SPEF2: variants seen among roughly 807,000 people sequenced by gnomAD.
The protein encoded by SPEF2 is sperm flagella and cilia-associated protein 2.
A neutral mutation model predicts 224.6 loss-of-function variants in SPEF2; 187 were observed. The ratio of observed to expected loss-of-function variants is 0.83; its 90% CI spans 0.74 to 0.94. The LOEUF (loss-of-function observed/expected upper bound fraction) is 0.94, where lower values mean the gene tolerates loss of function less well. Among genes scored for constraint, SPEF2 ranks in the 40% least tolerant of loss-of-function variants. The pLI, the probability that SPEF2 is intolerant of heterozygous loss-of-function variation, is 0.00. For synonymous variants in SPEF2, 715 were observed against 707.3 expected (o/e 1.01, Z -0.17); for missense variants, 2,170 against 2,135.6 (o/e 1.02, Z -0.32).
At chr5:35,686,797 TTC>T (rs1386330959) in intron 10 of SPEF2, among the ~76,000 whole-genome samples, 1 of 152,104 alleles carries the variant, frequency 6.6e-6, no homozygotes, top group African/African-American at 2.4e-5. Flanking sequence ...TCCACCATTT[TTC>T]TGTTATTTTT....
At chr5:35,772,337 G>C (rs1752981774) in intron 27 of SPEF2, among the ~76,000 whole-genome samples, 1 of 152,170 alleles carries the variant, frequency 6.6e-6, no homozygotes. Flanking sequence ...TAGATTGTCT[G>C]TGATATGTTT....
intron 23 of SPEF2, among the ~76,000 whole-genome samples, chr5:35,747,078 G>A (rs139299059): frequency 9.1e-4 from 139 of 152,162 alleles, no homozygotes; most frequent in Middle Eastern, 3.4e-3. Flanking sequence ...ACTAAGCATC[G>A]TATATGAAGG....
chr5:35,802,684 G>C (rs1217296341), intron 34 of SPEF2, among the ~76,000 whole-genome samples: 1 of 152,182 alleles, frequency 6.6e-6, no homozygotes, highest in Non-Finnish European at 1.5e-5. Flanking sequence ...ATGAGCACTT[G>C]AAGTGAGGAC....
chr5:35,778,088 T>C (rs955786529), intron 29 of SPEF2, among the ~76,000 whole-genome samples: 1 of 152,208 alleles, frequency 6.6e-6, no homozygotes, highest in Admixed American at 6.5e-5. Context: ...AGACAGCAAC[T>C]AATGCTACTT....
rs1159000504 is a variant in SPEF2, at chr5:35,739,931, T to G, written c.3076T>G (p.Phe1026Val). Residue 1026 changes from phenylalanine to valine, a missense_variant, in exon 22 of 37, where the codon TTT becomes GTT. Transcript: ENST00000356031. ...NEPVPEEMPLFLVPYWELIEN... is the reference protein window; with the variant it reads ...NEPVPEEMPLVLVPYWELIEN... ...TACCATTTAACAGGAAATGCCTTTG[T>G]TTTTAGTACCTTACTGGGAACTAAT... 2 of 1,613,388 alleles carry G rather than the reference T, an allele frequency of 1.2e-6. No individual in the cohort carries two copies. Among genetic ancestry groups the G allele is most frequent in the Non-Finnish European group, 1.7e-6 (2 of 1,179,838 alleles).
intron 26 of SPEF2, among the ~76,000 whole-genome samples, chr5:35,770,374 C>G (rs982586446): frequency 6.6e-6 from 1 of 152,022 alleles, no homozygotes; most frequent in East Asian, 1.9e-4. Flanking sequence ...AAAATTTACT[C>G]TTTTAGCAAT....
intron 4 of SPEF2, 73 bp from the exon 5 acceptor site, chr5:35,646,594 T>A (rs1406512082): frequency 2.8e-6 from 4 of 1,410,286 alleles, no homozygotes; most frequent in Non-Finnish European, 3.8e-6. Context: ...TTTATATATT[T>A]GTACCTATGA....
chr5:35,739,205 G>T (rs1747159607), intron 21 of SPEF2, among the ~76,000 whole-genome samples: 1 of 152,012 alleles, frequency 6.6e-6, no homozygotes, highest in African/African-American at 2.4e-5. Context: ...TGGTAAACAA[G>T]ACAGTTTCTG....
chr5:35,648,440 A>G (rs929194322), intron 5 of SPEF2, among the ~76,000 whole-genome samples: 3 of 149,834 alleles, frequency 2.0e-5, no homozygotes, highest in Admixed American at 6.7e-5. Context: ...GCTGGAGTGC[A>G]GTGGTAAAAT....
intron 20 of SPEF2, among the ~76,000 whole-genome samples, chr5:35,722,295 G>A (rs1261951612): frequency 6.6e-6 from 1 of 151,896 alleles, no homozygotes; most frequent in Non-Finnish European, 1.5e-5. Flanking sequence ...CCCAGCCCTG[G>A]CATGGGGCAG....
chr5:35,807,906 C>G (rs955849126), intron 36 of SPEF2: 18 of 1,443,246 alleles, frequency 1.2e-5, no homozygotes, highest in Non-Finnish European at 1.5e-5. Context: ...ACACCAACCC[C>G]CTTTCATACT....
At chr5:35,684,619 A>G (rs1321519492) in intron 10 of SPEF2, among the ~76,000 whole-genome samples, 1 of 152,232 alleles carries the variant, frequency 6.6e-6, no homozygotes, top group Non-Finnish European at 1.5e-5. Context: ...GTCAGAGGTT[A>G]CATAGGCTCC....
chr5:35,806,856 C>T lies in SPEF2; in HGVS notation c.5160C>T (p.Ser1720=). 1.2e-6 allele frequency: 2 copies of T among 1,613,948 alleles called. No individual in the cohort carries two copies. The highest frequency in any genetic ancestry group is 1.7e-6 in the Non-Finnish European group (2 of 1,179,962). Residue 1720 remains serine, a synonymous_variant, in exon 35 of 37, where the codon TCC becomes TCT. Coordinates refer to ENST00000356031, the MANE Select transcript of SPEF2 (RefSeq NM_024867.4). ...AAAATGCAAACAATGAAAAGATGTCCATGGAAACACTACTCAAAGTGTTCA... is the reference window on the plus strand; with the variant it reads ...AAAATGCAAACAATGAAAAGATGTCTATGGAAACACTACTCAAAGTGTTCA... ...IPENANNEKM[S]METLLKVFKG... is the part of the protein sequence containing the mutation.
rs965988637 is a variant in SPEF2 at position 35,811,099 on chromosome 5, A to AAT, written c.5380-3364_5380-3363insTA. ...CTATTCTCATTTTTGCTAAAAAAAAAAATAATAAATAATAAAATAAAAACA... is the reference window on the plus strand; with the variant it reads ...CTATTCTCATTTTTGCTAAAAAAAAAATAATAATAAATAATAAAATAAAAACA... On this transcript the variant is annotated intron_variant, in intron 36 of 36. Coordinates refer to ENST00000356031, the MANE Select transcript of SPEF2 (RefSeq NM_024867.4). Among the ~76,000 whole-genome samples, 184 of 151,386 alleles carry AAT rather than the reference A, an allele frequency of 1.2e-3. 1 individual carries two copies. The highest frequency in any genetic ancestry group is 2.0e-3 in the Admixed American group (30 of 15,228).
chr5:35,664,698 A>AAGAGAG (rs3069747), intron 8 of SPEF2, among the ~76,000 whole-genome samples: 2,777 of 138,964 alleles, frequency 0.02, 107 homozygotes, highest in African/African-American at 0.073. Flanking sequence ...GAAGGGAAAG[A>AAGAGAG]AGAGAGAGAG....
chr5:35,751,342 A>G (rs571440472), intron 23 of SPEF2, among the ~76,000 whole-genome samples: 25 of 150,448 alleles, frequency 1.7e-4, no homozygotes, highest in African/African-American at 5.9e-4. Flanking sequence ...GGTGAAGGAT[A>G]AAAGACTCCA....
At chr5:35,681,698 T>G (rs191709743) in intron 10 of SPEF2, among the ~76,000 whole-genome samples, 1 of 152,172 alleles carries the variant, frequency 6.6e-6, no homozygotes, top group Admixed American at 6.5e-5. Context: ...TTTCATAAAT[T>G]TTTTTTGTGC....
At chr5:35,718,583 AGCACCTT>A (rs1743046315) in intron 20 of SPEF2, among the ~76,000 whole-genome samples, 1 of 152,160 alleles carries the variant, frequency 6.6e-6, no homozygotes, top group Non-Finnish European at 1.5e-5. Context: ...TGAGTGCCAA[AGCACCTT>A]GCACCCATGA....
At chr5:35,671,078 G>C in intron 10 of SPEF2, 1 of 985,256 alleles carries the variant, frequency 1.0e-6, no homozygotes, top group Non-Finnish European at 1.2e-6. Context: ...GAGGAGTGAG[G>C]CTTTTTATTA....
Sources: allele counts gnomAD v4.1 joint callset (sites outside exome capture counted in the v4.1 genomes callset), GRCh38; gene constraint gnomAD v4.1.1; transcripts MANE v1.5; gene names NCBI Gene and HGNC (gene_info 2026-07-23, HGNC 2026-07-21).